Variants in SLC71A2 observed in about 807,000 individuals in gnomAD.
The protein encoded by SLC71A2 is hippocampus abundant transcript-like 1.
the SLC71A2 span, among the ~76,000 whole-genome samples, chr9:94,386,039 C>G: frequency 6.6e-6 from 1 of 151,954 alleles, no homozygotes; most frequent in Non-Finnish European, 1.5e-5. Flanking sequence ...TGTATTGAAT[C>G]TGTAAATCAC....
chr9:94,428,171 G>C, the SLC71A2 span, among the ~76,000 whole-genome samples: 67 of 150,270 alleles, frequency 4.5e-4, no homozygotes, highest in Non-Finnish European at 9.5e-4. Context: ...TTAAAAATAC[G>C]TTTTTGTTTT....
chr9:94,430,202 T>C, the SLC71A2 span, among the ~76,000 whole-genome samples: 2 of 147,894 alleles, frequency 1.4e-5, no homozygotes, highest in Non-Finnish European at 3.0e-5. Flanking sequence ...CGCGCCTGAC[T>C]GTTCCTCATT....
the SLC71A2 span, chr9:94,446,708 AT>A: frequency 1.9e-6 from 1 of 520,612 alleles, no homozygotes; most frequent in Non-Finnish European, 3.5e-6. Context: ...TTTATTAACC[AT>A]TTGACTTTTG....
At chr9:94,434,340 G>C in the SLC71A2 span, among the ~76,000 whole-genome samples, 1 of 152,050 alleles carries the variant, frequency 6.6e-6, no homozygotes, top group Non-Finnish European at 1.5e-5. Flanking sequence ...TTTTGAGACG[G>C]AGTCCCACCC....
At chr9:94,426,366 A>G in the SLC71A2 span, among the ~76,000 whole-genome samples, 1 of 151,964 alleles carries the variant, frequency 6.6e-6, no homozygotes, top group Admixed American at 6.6e-5. Flanking sequence ...ATTTATGGCT[A>G]TTTTTTCCTA....
the SLC71A2 span, chr9:94,429,290 G>C: frequency 6.5e-7 from 1 of 1,546,450 alleles, no homozygotes; most frequent in Non-Finnish European, 8.7e-7. Context: ...ATGAACCAAA[G>C]TCAGGAATCC....
chr9:94,434,595 G>A, the SLC71A2 span, among the ~76,000 whole-genome samples: 4 of 152,022 alleles, frequency 2.6e-5, no homozygotes, highest in Non-Finnish European at 5.9e-5. Flanking sequence ...GATTACAGGC[G>A]TGAGCCACTG....
At chr9:94,393,738 C>A in the SLC71A2 span, among the ~76,000 whole-genome samples, 1 of 146,880 alleles carries the variant, frequency 6.8e-6, no homozygotes, top group Non-Finnish European at 1.5e-5. Context: ...TGATTAGGGC[C>A]CCGCATAATA....
At chr9:94,437,748 A>G in the SLC71A2 span, among the ~76,000 whole-genome samples, 2 of 142,712 alleles carry the variant, frequency 1.4e-5, no homozygotes, top group African/African-American at 5.3e-5. Context: ...TATATTTATT[A>G]AAGTGATTCA....
At chr9:94,396,005 T>C in the SLC71A2 span, among the ~76,000 whole-genome samples, 2,862 of 151,364 alleles carry the variant, frequency 0.019, 41 homozygotes, top group Non-Finnish European at 0.028. Flanking sequence ...TAGAGAAATA[T>C]TACTAGAGCC....
At chr9:94,405,939 A>T in the SLC71A2 span, among the ~76,000 whole-genome samples, 1 of 149,978 alleles carries the variant, frequency 6.7e-6, no homozygotes, top group Non-Finnish European at 1.5e-5. Context: ...GGATGTCTTT[A>T]TGTTTATTTA....
the SLC71A2 span, among the ~76,000 whole-genome samples, chr9:94,424,305 G>A: frequency 6.6e-6 from 1 of 152,000 alleles, no homozygotes; most frequent in African/African-American, 2.4e-5. Context: ...TGCGATCTCG[G>A]CTCACTGCAA....
At chr9:94,382,171 C>T in the SLC71A2 span, among the ~76,000 whole-genome samples, 3 of 151,792 alleles carry the variant, frequency 2.0e-5, no homozygotes, top group South Asian at 2.1e-4. Context: ...GGACTACAGG[C>T]ATATGCCACC....
chr9:94,456,534 A>T, the SLC71A2 span, among the ~76,000 whole-genome samples: 1 of 152,224 alleles, frequency 6.6e-6, no homozygotes, highest in Non-Finnish European at 1.5e-5. Flanking sequence ...TATTTTTTAA[A>T]GCTAGACTTA....
At chr9:94,433,586 A>G in the SLC71A2 span, among the ~76,000 whole-genome samples, 1 of 151,108 alleles carries the variant, frequency 6.6e-6, no homozygotes, top group Non-Finnish European at 1.5e-5. Context: ...CAAACACTGG[A>G]TACATAAACA....
the SLC71A2 span, chr9:94,438,596 G>T: frequency 6.3e-7 from 1 of 1,595,392 alleles, no homozygotes; most frequent in African/African-American, 1.3e-5. Context: ...ACTTATATTT[G>T]CAGAGCACTT....
the SLC71A2 span, among the ~76,000 whole-genome samples, chr9:94,394,498 C>T: frequency 1.1e-5 from 1 of 87,246 alleles, no homozygotes; most frequent in Non-Finnish European, 3.1e-5. Flanking sequence ...CCCAGGTTAG[C>T]GTGTGGTGGC....
At chr9:94,449,790 A>G in the SLC71A2 span, among the ~76,000 whole-genome samples, 1 of 152,266 alleles carries the variant, frequency 6.6e-6, no homozygotes, top group Non-Finnish European at 1.5e-5. Flanking sequence ...TATCATTCAT[A>G]ATGTCTAGAA....
the SLC71A2 span, chr9:94,444,877 C>T: frequency 2.9e-5 from 36 of 1,259,096 alleles, no homozygotes; most frequent in Non-Finnish European, 3.9e-5. Flanking sequence ...AAGGTGTGCA[C>T]CTGCAGCAGG....
Sources: allele counts gnomAD v4.1 joint callset (sites outside exome capture counted in the v4.1 genomes callset), GRCh38; gene constraint gnomAD v4.1.1; transcripts MANE v1.5; gene names NCBI Gene and HGNC (gene_info 2026-07-23, HGNC 2026-07-21).